Variants in TENM4 observed in about 807,000 individuals in gnomAD.
The protein encoded by TENM4 is teneurin transmembrane protein 4, also known as teneurin-4.
Under a neutral mutation model 243.3 loss-of-function variants are expected in TENM4, and 82 were observed. The ratio of observed to expected loss-of-function variants is 0.34; its 90% CI spans 0.28 to 0.40. The LOEUF (loss-of-function observed/expected upper bound fraction) is 0.40. TENM4 is among the 10% of genes least tolerant of loss of function. TENM4 has a pLI of 1.00. For missense variants in TENM4, 3,138 were observed against 3,673.3 expected (o/e 0.85, Z 3.77); for synonymous variants, 1,412 against 1,456.3 (o/e 0.97, Z 0.69).
chr11:78,693,068 G>A (rs1858865359), intron 28 of TENM4, among the ~76,000 whole-genome samples: 1 of 152,196 alleles, frequency 6.6e-6, no homozygotes, highest in Non-Finnish European at 1.5e-5. Context: ...GGAGTACCCA[G>A]CAGGTAGACA....
intron 1 of TENM4, among the ~76,000 whole-genome samples, chr11:79,336,766 T>C (rs769871541): frequency 6.6e-6 from 1 of 152,192 alleles, no homozygotes; most frequent in Non-Finnish European, 1.5e-5. Context: ...CTGCCCTTTT[T>C]CTAGAACCAT....
chr11:78,976,809 G>T (rs1285235481), intron 6 of TENM4, among the ~76,000 whole-genome samples: 2 of 151,708 alleles, frequency 1.3e-5, no homozygotes, highest in Non-Finnish European at 2.9e-5. Flanking sequence ...CTTTTTTTTT[G>T]ATCCTAAATT....
In TENM4 at chr11:79,009,483, G is replaced by A. The variant is rs117117018; in HGVS notation, c.493+55255C>T. On this transcript the variant is annotated intron_variant, in intron 6 of 33. Coordinates refer to ENST00000278550, the MANE Select transcript of TENM4 (RefSeq NM_001098816.3). ...CTGGAAATAAAACAAGTACACCTGC[G>A]ACTAGAGTCCAAGGAATGGGGTAAT... 5.3e-4 allele frequency among the ~76,000 whole-genome samples: 80 copies of A among 152,264 alleles called. 1 individual carries two copies. In the East Asian group the frequency reaches 0.011, roughly 22 times the overall value.
chr11:79,151,195 A>G (rs1406358739), intron 3 of TENM4, among the ~76,000 whole-genome samples: 1 of 152,138 alleles, frequency 6.6e-6, no homozygotes, highest in Non-Finnish European at 1.5e-5. Flanking sequence ...CTGTGTGCTG[A>G]GAAAATTCTG....
chr11:79,346,405 G>A (rs1232553489), intron 1 of TENM4, among the ~76,000 whole-genome samples: 2 of 152,086 alleles, frequency 1.3e-5, no homozygotes, highest in African/African-American at 2.4e-5. Flanking sequence ...TTATCATGCT[G>A]TCTGGCACAC....
chr11:79,311,813 T>A (rs966592168), intron 1 of TENM4, among the ~76,000 whole-genome samples: 1 of 152,188 alleles, frequency 6.6e-6, no homozygotes, highest in Admixed American at 6.5e-5. Flanking sequence ...CCCTTCCAGG[T>A]TCTACCCCTG....
At chr11:79,334,057 T>C (rs916552562) in intron 1 of TENM4, among the ~76,000 whole-genome samples, 12 of 152,212 alleles carry the variant, frequency 7.9e-5, no homozygotes, top group Non-Finnish European at 1.8e-4. Context: ...CTGTAGTTCA[T>C]GAGAACAGCA....
chr11:79,019,997 C>G (rs533964261), intron 6 of TENM4, among the ~76,000 whole-genome samples: 1 of 152,184 alleles, frequency 6.6e-6, no homozygotes, highest in Admixed American at 6.5e-5. Flanking sequence ...ATCCCACCAC[C>G]CTGCCAGCCT....
chr11:79,013,418 C>A (rs940127540), intron 6 of TENM4, among the ~76,000 whole-genome samples: 1 of 152,218 alleles, frequency 6.6e-6, no homozygotes, highest in African/African-American at 2.4e-5. Context: ...TCAGACTTGT[C>A]CTGTTGTTAT....
intron 2 of TENM4, among the ~76,000 whole-genome samples, chr11:79,236,405 C>G (rs148183486): frequency 6.6e-5 from 10 of 152,262 alleles, no homozygotes; most frequent in African/African-American, 2.4e-4. Flanking sequence ...ACGCTGATGC[C>G]CTTTGTGACT....
intron 1 of TENM4, among the ~76,000 whole-genome samples, chr11:79,386,789 T>C (rs1858122182): frequency 6.6e-6 from 1 of 152,128 alleles, no homozygotes; most frequent in South Asian, 2.1e-4. Context: ...TTTTTTTTAT[T>C]TTTTTAGTGA....
chr11:79,391,082 C>T (rs1288230360), intron 1 of TENM4, among the ~76,000 whole-genome samples: 3 of 152,132 alleles, frequency 2.0e-5, no homozygotes, highest in Admixed American at 2.0e-4. Flanking sequence ...CCAAGCCCGG[C>T]TCTGCCACTT....
chr11:78,952,920 G>A (rs1392091875), intron 6 of TENM4, among the ~76,000 whole-genome samples: 1 of 152,180 alleles, frequency 6.6e-6, no homozygotes, highest in Non-Finnish European at 1.5e-5. Flanking sequence ...TTCCCCCAAG[G>A]TTCCACTGGG....
intron 3 of TENM4, among the ~76,000 whole-genome samples, chr11:79,167,074 T>C (rs1272723416): frequency 6.6e-6 from 1 of 152,222 alleles, no homozygotes. Flanking sequence ...AAGTGGAGTT[T>C]ATTTGTTGCA....
At chr11:78,677,924 TC>T (rs1276866838) in intron 29 of TENM4, among the ~76,000 whole-genome samples, 1 of 111,020 alleles carries the variant, frequency 9.0e-6, no homozygotes, top group African/African-American at 3.5e-5. Context: ...CCCTCCCCCC[TC>T]CCCCGACCCC....
At chr11:78,938,820 G>C (rs186123147) in intron 6 of TENM4, among the ~76,000 whole-genome samples, 2 of 152,222 alleles carry the variant, frequency 1.3e-5, no homozygotes, top group East Asian at 3.9e-4. Flanking sequence ...TTGGGGACTT[G>C]TATACTAAAT....
chr11:78,692,972 ATTAT>A (rs1423918596), intron 28 of TENM4, among the ~76,000 whole-genome samples: 1 of 152,054 alleles, frequency 6.6e-6, no homozygotes, highest in Non-Finnish European at 1.5e-5. Context: ...CACTATACTT[ATTAT>A]TTATTTGTTC....
chr11:78,989,533 C>T (rs1219846952), intron 6 of TENM4, among the ~76,000 whole-genome samples: 1 of 152,204 alleles, frequency 6.6e-6, no homozygotes, highest in Admixed American at 6.5e-5. Context: ...ACATGAAGAA[C>T]AAGTGTTAAG....
intron 4 of TENM4, among the ~76,000 whole-genome samples, chr11:79,111,124 G>A (rs1380078730): frequency 6.6e-6 from 1 of 152,140 alleles, no homozygotes; most frequent in Admixed American, 6.5e-5. Context: ...AGATCTAATG[G>A]TTTTATAAGG....
Sources: gnomAD v4.1 joint callset for allele counts (sites outside exome capture counted in the v4.1 genomes callset) on GRCh38, gnomAD v4.1.1 for gene constraint, MANE v1.5 for transcripts, NCBI Gene and HGNC (gene_info 2026-07-23, HGNC 2026-07-21) for gene names.